The following GLIS3 variants were observed in gnomAD, a reference collection of about 807,000 sequenced individuals.
The protein encoded by GLIS3 is GLIS family zinc finger 3, also known as zinc finger protein GLIS3.
GLIS3 carries 53 observed loss-of-function variants against 78.6 expected under a neutral mutation model. The ratio of observed to expected loss-of-function variants is 0.67; its 90% CI spans 0.54 to 0.85. The LOEUF (loss-of-function observed/expected upper bound fraction) is 0.85, where lower values mean the gene tolerates loss of function less well. GLIS3 is among the 40% of genes least tolerant of loss of function. GLIS3 has a pLI of 0.00. For missense variants in GLIS3, 1,703 were observed against 1,231.1 expected (o/e 1.38, Z -5.74); for synonymous variants, 684 against 509.9 (o/e 1.34, Z -4.60).
intron 2 of GLIS3, among the ~76,000 whole-genome samples, chr9:4,322,903 C>G (rs1004053635): frequency 6.6e-6 from 1 of 152,186 alleles, no homozygotes; most frequent in East Asian, 1.9e-4. Flanking sequence ...TGTGCAGAAG[C>G]TCTTTAGTTT....
At chr9:4,124,218 A>G (rs1421586564) in intron 3 of GLIS3, among the ~76,000 whole-genome samples, 1 of 152,218 alleles carries the variant, frequency 6.6e-6, no homozygotes, top group Non-Finnish European at 1.5e-5. Context: ...AGAAGGACTC[A>G]AATAATAAAT....
intron 2 of GLIS3, among the ~76,000 whole-genome samples, chr9:4,168,332 A>G (rs1816058440): frequency 6.6e-6 from 1 of 152,150 alleles, no homozygotes. Flanking sequence ...TCTTTAAGAT[A>G]TTTTTGACTT....
At chr9:3,841,135 T>C (rs1818690047) in intron 9 of GLIS3, among the ~76,000 whole-genome samples, 1 of 152,160 alleles carries the variant, frequency 6.6e-6, no homozygotes, top group African/African-American at 2.4e-5. Flanking sequence ...CAGTTTTCAT[T>C]TGAATATCCC....
the GLIS3 span, among the ~76,000 whole-genome samples, chr9:4,361,618 T>C: frequency 7.2e-5 from 11 of 152,302 alleles, no homozygotes; most frequent in Admixed American, 2.0e-4. Flanking sequence ...AGAATCTAAG[T>C]AGAAGCCCAA....
chr9:3,843,974 C>A (rs146414423), intron 9 of GLIS3, among the ~76,000 whole-genome samples: 2 of 152,068 alleles, frequency 1.3e-5, no homozygotes, highest in Non-Finnish European at 2.9e-5. Context: ...AAAGACCTCA[C>A]GAAAGAATGA....
chr9:4,248,033 T>A (rs1705092384), intron 2 of GLIS3, among the ~76,000 whole-genome samples: 3 of 152,158 alleles, frequency 2.0e-5, no homozygotes, highest in Admixed American at 1.3e-4. Flanking sequence ...TAATTCCCCA[T>A]CCCTTCACTC....
intron 2 of GLIS3, among the ~76,000 whole-genome samples, chr9:4,170,973 C>G (rs1175873974): frequency 6.6e-6 from 1 of 152,152 alleles, no homozygotes; most frequent in Non-Finnish European, 1.5e-5. Context: ...ATACTTAGAA[C>G]TGTGTCATGG....
intron 1 of GLIS3, chr9:4,298,262 C>T (rs1424515019): frequency 2.8e-6 from 1 of 352,178 alleles, no homozygotes; most frequent in Non-Finnish European, 5.7e-6. Context: ...CCGGTCCCCG[C>T]CGAGCCAGTG....
At chr9:4,466,104 T>C in the GLIS3 span, among the ~76,000 whole-genome samples, 3 of 152,216 alleles carry the variant, frequency 2.0e-5, no homozygotes, top group African/African-American at 2.4e-5. Flanking sequence ...AAATTACCAA[T>C]ACCAAAAGTG....
the GLIS3 span, among the ~76,000 whole-genome samples, chr9:4,364,380 T>C: frequency 6.6e-6 from 1 of 152,196 alleles, no homozygotes; most frequent in Non-Finnish European, 1.5e-5. Context: ...TAAGGTACAA[T>C]ATTTGGCCAT....
chr9:3,972,679 G>A (rs1236098332), intron 4 of GLIS3, among the ~76,000 whole-genome samples: 1 of 152,084 alleles, frequency 6.6e-6, no homozygotes, highest in African/African-American at 2.4e-5. Context: ...AAAAGCTTTA[G>A]GACTTGAGGT....
chr9:4,367,685 C>T, the GLIS3 span, among the ~76,000 whole-genome samples: 2 of 143,898 alleles, frequency 1.4e-5, no homozygotes, highest in Non-Finnish European at 3.0e-5. Context: ...GATACTCTGT[C>T]ATTCTGTCAT....
chr9:4,458,429 T>G, the GLIS3 span, among the ~76,000 whole-genome samples: 24 of 152,234 alleles, frequency 1.6e-4, no homozygotes, highest in African/African-American at 5.8e-4. Context: ...ATAACCAGCA[T>G]AAAGTTAGGG....
intron 4 of GLIS3, among the ~76,000 whole-genome samples, chr9:4,045,717 T>A (rs924821850): frequency 2.0e-5 from 3 of 152,198 alleles, no homozygotes; most frequent in African/African-American, 7.2e-5. Context: ...CTGGAAAGAA[T>A]CAGACAAGAG....
intron 4 of GLIS3, among the ~76,000 whole-genome samples, chr9:4,023,758 C>T (rs1823076914): frequency 6.6e-6 from 1 of 152,202 alleles, no homozygotes; most frequent in South Asian, 2.1e-4. Context: ...ATCTCCTCTC[C>T]TTCCTGTTGC....
intron 2 of GLIS3, chr9:4,147,648 A>G (rs1336080911): frequency 1.4e-5 from 2 of 140,756 alleles, no homozygotes; most frequent in African/African-American, 5.4e-5. Flanking sequence ...ACAAATGCAG[A>G]GTAAGAAACA....
chr9:4,431,643 G>A, the GLIS3 span, among the ~76,000 whole-genome samples: 4 of 152,198 alleles, frequency 2.6e-5, no homozygotes, highest in South Asian at 6.2e-4. Flanking sequence ...TCAGGAGTTC[G>A]AGACCAGCCT....
the GLIS3 span, among the ~76,000 whole-genome samples, chr9:4,369,332 A>G: frequency 6.6e-6 from 1 of 152,214 alleles, no homozygotes; most frequent in Non-Finnish European, 1.5e-5. Context: ...CTGACATGGA[A>G]TAAAAATATT....
chr9:3,834,274 A>T (rs1818214631), intron 9 of GLIS3, among the ~76,000 whole-genome samples: 1 of 152,132 alleles, frequency 6.6e-6, no homozygotes, highest in Non-Finnish European at 1.5e-5. Context: ...CTAGAAAGGG[A>T]GTGGGGAAGG....
Sources: gnomAD v4.1 joint callset for allele counts (sites outside exome capture counted in the v4.1 genomes callset) on GRCh38, gnomAD v4.1.1 for gene constraint, MANE v1.5 for transcripts, NCBI Gene and HGNC (gene_info 2026-07-23, HGNC 2026-07-21) for gene names.